KCNT2: variants seen among roughly 807,000 people sequenced by gnomAD.
KCNT2 encodes potassium channel subfamily T member 2.
KCNT2 carries 67 observed loss-of-function variants against 153.8 expected under a neutral mutation model. The ratio of observed to expected loss-of-function variants is 0.44; its 90% CI spans 0.36 to 0.53. The LOEUF (loss-of-function observed/expected upper bound fraction) is 0.53, where lower values mean the gene tolerates loss of function less well. KCNT2 is among the 20% of genes least tolerant of loss of function. KCNT2 has a pLI of 0.00. For synonymous variants in KCNT2, 500 were observed against 458.8 expected, an observed-to-expected ratio of 1.09 and a Z score of -1.15; for missense variants, 975 against 1,354.8, an observed-to-expected ratio of 0.72 and a Z score of 4.40.
chr1:196,359,592 T>C (rs1325657122), intron 14 of KCNT2, among the ~76,000 whole-genome samples: 1 of 151,972 alleles, frequency 6.6e-6, no homozygotes, highest in East Asian at 1.9e-4. Context: ...ATAAGCAAGA[T>C]ATGTTCTCTA....
chr1:196,332,223 T>C (rs951087508), intron 17 of KCNT2, among the ~76,000 whole-genome samples: 2 of 152,184 alleles, frequency 1.3e-5, no homozygotes, highest in African/African-American at 4.8e-5. Flanking sequence ...ATTTAGAAGT[T>C]GGTAATCTCT....
chr1:196,293,091 A>T (rs1173472253), intron 22 of KCNT2, among the ~76,000 whole-genome samples: 1 of 152,136 alleles, frequency 6.6e-6, no homozygotes, highest in Non-Finnish European at 1.5e-5. Context: ...TATACTGTAA[A>T]TTATGAAACA....
At chr1:196,286,360 C>T (rs184560296) in intron 22 of KCNT2, among the ~76,000 whole-genome samples, 80 of 152,162 alleles carry the variant, frequency 5.3e-4, no homozygotes, top group African/African-American at 1.9e-3. Context: ...CATCTATGAA[C>T]TAGGAAATGG....
intron 26 of KCNT2, among the ~76,000 whole-genome samples, chr1:196,236,482 A>C (rs1654450770): frequency 6.6e-6 from 1 of 151,502 alleles, no homozygotes; most frequent in African/African-American, 2.4e-5. Context: ...CTTGGGAAAA[A>C]TAATATAATT....
intron 21 of KCNT2, among the ~76,000 whole-genome samples, chr1:196,315,045 A>C (rs552848533): frequency 5.1e-4 from 77 of 151,790 alleles, no homozygotes; most frequent in African/African-American, 1.8e-3. Flanking sequence ...TTTGAACTCA[A>C]ATTAGAAGGC....
At chr1:196,516,961 C>G (rs1041016514) in intron 1 of KCNT2, among the ~76,000 whole-genome samples, 42 of 152,164 alleles carry the variant, frequency 2.8e-4, no homozygotes, top group African/African-American at 1.0e-3. Flanking sequence ...TGGGTCCTCC[C>G]AGCCTGAGTC....
In KCNT2 at chr1:196,326,903, A is replaced by G; in HGVS notation, c.2104-14T>C. 2.0e-6 allele frequency: 3 copies of G among 1,492,598 alleles called. No homozygotes were observed. Among genetic ancestry groups the G allele is most frequent in the Non-Finnish European group, 2.7e-6 (3 of 1,113,602 alleles). 92.5% of individuals were successfully genotyped at this position (1,492,598 alleles called of 1,614,324 possible). A position where few individuals can be genotyped will look rare whatever the true frequency, so the allele number is the denominator to read the frequency against. ...ATGTTGGCAACTCTAGAGAAGAGAA[A>G]GTATACATTGAAATGCCATTTGGAT... On this transcript the variant is annotated splice_polypyrimidine_tract_variant and intron_variant, in intron 18 of 27. Coordinates refer to ENST00000294725, the MANE Select transcript of KCNT2 (RefSeq NM_198503.5).
At chr1:196,599,104 C>T (rs1229025024) in intron 1 of KCNT2, among the ~76,000 whole-genome samples, 2 of 152,200 alleles carry the variant, frequency 1.3e-5, no homozygotes, top group Admixed American at 6.5e-5. Context: ...TTAATGGAAC[C>T]TGTGCAGCTT....
intron 14 of KCNT2, among the ~76,000 whole-genome samples, chr1:196,362,433 C>T (rs752583864): frequency 1.3e-5 from 2 of 152,032 alleles, no homozygotes; most frequent in Non-Finnish European, 2.9e-5. Context: ...GATCTCATGG[C>T]TAATTTGCAT....
chr1:196,501,728 T>G (rs955791430), intron 1 of KCNT2, among the ~76,000 whole-genome samples: 1 of 152,098 alleles, frequency 6.6e-6, no homozygotes, highest in Non-Finnish European at 1.5e-5. Flanking sequence ...CTACACTTGT[T>G]CCTCTTAAAT....
At chr1:196,516,980 C>T (rs1682110157) in intron 1 of KCNT2, among the ~76,000 whole-genome samples, 1 of 152,148 alleles carries the variant, frequency 6.6e-6, no homozygotes, top group Non-Finnish European at 1.5e-5. Flanking sequence ...TCTCCAACCA[C>T]CCCCCAGCTG....
intron 1 of KCNT2, among the ~76,000 whole-genome samples, chr1:196,564,528 C>T (rs1450338162): frequency 6.6e-6 from 1 of 151,328 alleles, no homozygotes; most frequent in Non-Finnish European, 1.5e-5. Flanking sequence ...CACAAAAGAC[C>T]ACAAAAAGTC....
At chr1:196,420,093 A>C (rs1416392848) in intron 12 of KCNT2, among the ~76,000 whole-genome samples, 1 of 151,632 alleles carries the variant, frequency 6.6e-6, no homozygotes, top group East Asian at 1.9e-4. Flanking sequence ...TTTATTGTTC[A>C]TTTTATTATT....
intron 19 of KCNT2, among the ~76,000 whole-genome samples, chr1:196,322,750 G>A (rs995908430): frequency 6.6e-6 from 1 of 151,888 alleles, no homozygotes; most frequent in African/African-American, 2.4e-5. Flanking sequence ...TTCAAGAAAT[G>A]AGCATAGCAT....
intron 1 of KCNT2, among the ~76,000 whole-genome samples, chr1:196,571,910 C>T (rs1660822009): frequency 6.6e-6 from 1 of 152,054 alleles, no homozygotes. Context: ...TGCTTCCATT[C>T]TGAAAATATG....
At chr1:196,452,927 T>A (rs1219650809) in intron 8 of KCNT2, among the ~76,000 whole-genome samples, 1 of 151,854 alleles carries the variant, frequency 6.6e-6, no homozygotes, top group Non-Finnish European at 1.5e-5. Flanking sequence ...AAAATGTTAG[T>A]CTCATCAAAC....
chr1:196,532,254 T>G (rs1253968474), intron 1 of KCNT2, among the ~76,000 whole-genome samples: 1 of 152,076 alleles, frequency 6.6e-6, no homozygotes, highest in South Asian at 2.1e-4. Context: ...TGATTCTGAA[T>G]AGTTCGTAAA....
chr1:196,354,776 T>C (rs1262339092), intron 14 of KCNT2, among the ~76,000 whole-genome samples: 2 of 151,870 alleles, frequency 1.3e-5, no homozygotes, highest in African/African-American at 4.8e-5. Flanking sequence ...CTTTATTTAA[T>C]TCCATAATCT....
rs375559786 is a variant in KCNT2, at chr1:196,396,465, A to G, written c.1294+2098T>C. Reference sequence around the variant, plus strand: ...CCATTATTTAAAGAATCTCTTACACAAACTAAGTGACAGCTTGATGCACTG... The same window carrying G: ...CCATTATTTAAAGAATCTCTTACACGAACTAAGTGACAGCTTGATGCACTG... On this transcript the variant is annotated intron_variant, in intron 13 of 27. Coordinates refer to ENST00000294725, the MANE Select transcript of KCNT2 (RefSeq NM_198503.5). Among the ~76,000 whole-genome samples the G allele has an allele frequency of 1.1e-4, 17 of 151,724 alleles. No individual in the cohort carries two copies. In the East Asian group the frequency reaches 2.7e-3, roughly 24 times the overall value.
Sources: gnomAD v4.1 joint callset for allele counts (sites outside exome capture counted in the v4.1 genomes callset) on GRCh38, gnomAD v4.1.1 for gene constraint, MANE v1.5 for transcripts, NCBI Gene and HGNC (gene_info 2026-07-23, HGNC 2026-07-21) for gene names.